OR2L13: variants seen among roughly 807,000 people sequenced by gnomAD.
OR2L13 encodes the protein olfactory receptor 2L13.
A neutral mutation model predicts 15.3 loss-of-function variants in OR2L13; 14 were observed. That is an observed-to-expected ratio of 0.91 (90% CI 0.60 to 1.43). OR2L13 has a LOEUF of 1.43. Ranked by LOEUF, OR2L13 falls within the 40% of genes most tolerant of loss-of-function variation. The pLI, the probability that OR2L13 is intolerant of heterozygous loss-of-function variation, is 0.00. For missense variants in OR2L13, 367 were observed against 387.9 expected (o/e 0.95, Z 0.45); for synonymous variants, 152 against 142.9 (o/e 1.06, Z -0.45).
At chr1:248,069,498 C>T in the OR2L13 span, among the ~76,000 whole-genome samples, 5 of 152,106 alleles carry the variant, frequency 3.3e-5, no homozygotes, top group Non-Finnish European at 5.9e-5. Flanking sequence ...AAGGAACAAC[C>T]GGTACTAGCC....
chr1:247,941,459 T>C, the OR2L13 span, among the ~76,000 whole-genome samples: 1 of 152,224 alleles, frequency 6.6e-6, no homozygotes, highest in African/African-American at 2.4e-5. Flanking sequence ...CATTTATTTA[T>C]TTACATGGTC....
chr1:248,094,868 C>G (rs924125680), upstream of OR2L13, among the ~76,000 whole-genome samples: 5 of 152,296 alleles, frequency 3.3e-5, no homozygotes, highest in South Asian at 2.1e-4. Context: ...CCGGAATTCT[C>G]TAACTTACAT....
the OR2L13 span, among the ~76,000 whole-genome samples, chr1:247,941,190 TG>T: frequency 2.0e-5 from 3 of 152,220 alleles, no homozygotes. Flanking sequence ...TTTCCTATTC[TG>T]TAGGTTGGCT....
At chr1:248,074,499 T>C in the OR2L13 span, among the ~76,000 whole-genome samples, 3 of 152,136 alleles carry the variant, frequency 2.0e-5, no homozygotes, top group Non-Finnish European at 4.4e-5. Flanking sequence ...TCAGCAAAGT[T>C]TCAGAATACA....
the OR2L13 span, among the ~76,000 whole-genome samples, chr1:248,005,849 C>T: frequency 6.6e-6 from 1 of 152,094 alleles, no homozygotes; most frequent in Non-Finnish European, 1.5e-5. Flanking sequence ...TTTACAATGT[C>T]GTAGCAGTTA....
At chr1:248,015,787 C>T in the OR2L13 span, among the ~76,000 whole-genome samples, 2 of 152,104 alleles carry the variant, frequency 1.3e-5, no homozygotes, top group African/African-American at 4.8e-5. Context: ...TTGGTAAATT[C>T]ACACATTTTC....
the OR2L13 span, chr1:247,949,362 C>A: frequency 2.5e-6 from 4 of 1,614,046 alleles, no homozygotes; most frequent in African/African-American, 5.3e-5. Context: ...TCCTTATTGC[C>A]GATCCAGGGC....
At chr1:248,057,967 CTTGT>C in the OR2L13 span, among the ~76,000 whole-genome samples, 3 of 151,862 alleles carry the variant, frequency 2.0e-5, no homozygotes, top group Non-Finnish European at 2.9e-5. Flanking sequence ...TATTTCTTTT[CTTGT>C]TTAATTGTTT....
the OR2L13 span, among the ~76,000 whole-genome samples, chr1:248,049,720 G>A: frequency 6.6e-6 from 1 of 151,994 alleles, no homozygotes; most frequent in Admixed American, 6.6e-5. Context: ...ACACTTATGT[G>A]GAGTTTTTGT....
chr1:248,031,465 G>C, the OR2L13 span, among the ~76,000 whole-genome samples: 1 of 152,196 alleles, frequency 6.6e-6, no homozygotes, highest in Non-Finnish European at 1.5e-5. Context: ...GCCTTAATGG[G>C]CAGTGCTTCC....
At chr1:248,029,894 A>C in the OR2L13 span, among the ~76,000 whole-genome samples, 1 of 152,214 alleles carries the variant, frequency 6.6e-6, no homozygotes, top group African/African-American at 2.4e-5. Flanking sequence ...ATCTAAATAC[A>C]TAATCAGAAC....
At chr1:248,041,512 A>T in the OR2L13 span, 21 of 152,288 alleles carry the variant, frequency 1.4e-4, no homozygotes, top group East Asian at 2.9e-3. Context: ...GACAATTGAG[A>T]TCTAATTAAA....
At chr1:248,092,675 G>A (rs1384156006), upstream of OR2L13, among the ~76,000 whole-genome samples, 8 of 152,258 alleles carry the variant, frequency 5.3e-5, no homozygotes, top group East Asian at 1.4e-3. Flanking sequence ...TTGTCACTAA[G>A]AAATTGTAAA....
the OR2L13 span, among the ~76,000 whole-genome samples, chr1:248,088,548 C>T: frequency 1.3e-5 from 2 of 151,988 alleles, no homozygotes; most frequent in Non-Finnish European, 2.9e-5. Flanking sequence ...ATAGTATATT[C>T]TCCATCCATG....
At chr1:248,084,170 C>A in the OR2L13 span, 2 of 1,611,738 alleles carry the variant, frequency 1.2e-6, no homozygotes, top group Admixed American at 3.3e-5. Flanking sequence ...ACGACATGGT[C>A]ATCCTCAGGC....
upstream of OR2L13, among the ~76,000 whole-genome samples, chr1:248,092,386 A>T (rs967584782): frequency 6.6e-6 from 1 of 152,194 alleles, no homozygotes; most frequent in Non-Finnish European, 1.5e-5. Context: ...ATATAGGACA[A>T]CAAAAGAGAA....
At chr1:248,038,278 ACAAT>A in the OR2L13 span, 12 of 1,605,884 alleles carry the variant, frequency 7.5e-6, no homozygotes, top group Non-Finnish European at 9.4e-6. Flanking sequence ...ATGGAAAATT[ACAAT>A]CAAACATCAA....
chr1:247,983,622 G>T, the OR2L13 span, among the ~76,000 whole-genome samples: 6 of 152,122 alleles, frequency 3.9e-5, no homozygotes, highest in Admixed American at 3.9e-4. Context: ...GGCTGAGACT[G>T]CTTCCTTGTT....
the OR2L13 span, among the ~76,000 whole-genome samples, chr1:247,997,379 A>G: frequency 4.6e-5 from 7 of 152,190 alleles, no homozygotes; most frequent in African/African-American, 1.4e-4. Flanking sequence ...ATAGGAGAAA[A>G]TCACTTTATA....
Sources: allele counts gnomAD v4.1 joint callset (sites outside exome capture counted in the v4.1 genomes callset), GRCh38; gene constraint gnomAD v4.1.1; transcripts MANE v1.5; gene names NCBI Gene and HGNC (gene_info 2026-07-23, HGNC 2026-07-21).